DCP1A: variants seen among roughly 807,000 people sequenced by gnomAD.
The protein encoded by DCP1A is decapping mRNA 1A.
Under a neutral mutation model 58.0 loss-of-function variants are expected in DCP1A, and 20 were observed. The observed-to-expected ratio is 0.34, with a 90% CI of 0.24 to 0.50. The LOEUF is 0.50. Ranked by LOEUF, DCP1A falls within the 20% of genes least tolerant of loss-of-function variation. The probability of loss-of-function intolerance (pLI) is 0.98; values close to 1 mark genes in which losing one functional copy is unlikely to be tolerated. For synonymous variants in DCP1A, 285 were observed against 275.1 expected (o/e 1.04, Z -0.36); for missense variants, 613 against 712.2 (o/e 0.86, Z 1.59).
chr3:53,322,175 G>A (rs1288460500), intron 3 of DCP1A, among the ~76,000 whole-genome samples: 1 of 152,074 alleles, frequency 6.6e-6, no homozygotes, highest in Non-Finnish European at 1.5e-5. Flanking sequence ...CTTCTCGGCT[G>A]GGCACGGTGG....
chr3:53,314,673 T>TC (rs1553689025), intron 4 of DCP1A, among the ~76,000 whole-genome samples: 19 of 139,728 alleles, frequency 1.4e-4, no homozygotes, highest in Non-Finnish European at 2.3e-4. Context: ...TTTTCTTTTT[T>TC]TTTTTTTTTT....
intron 7 of DCP1A, among the ~76,000 whole-genome samples, chr3:53,291,340 T>A (rs575370764): frequency 2.6e-5 from 4 of 152,290 alleles, no homozygotes; most frequent in South Asian, 4.1e-4. Flanking sequence ...AATCTAATTA[T>A]ACCCTTTTCA....
At chr3:53,333,433 T>C (rs2089053143) in intron 3 of DCP1A, among the ~76,000 whole-genome samples, 1 of 152,126 alleles carries the variant, frequency 6.6e-6, no homozygotes. Flanking sequence ...CGTGAGCCAC[T>C]GCGCCTGGCC....
Position 53,286,014 on chromosome 3 carries a change from C to G in DCP1A, c.*1566G>C, listed in dbSNP as rs1281915440. On this transcript the variant is annotated 3_prime_UTR_variant, in exon 10 of 10. Coordinates refer to ENST00000610213, the MANE Select transcript of DCP1A (RefSeq NM_018403.7). ...CAATAGAAGACACTAAAATGAGAAG[C>G]AGAAACCCTGTCCAGGAAGCATGTT... The G allele has an allele frequency of 6.6e-6, 1 of 152,170 alleles. No individual in the cohort carries two copies. Among genetic ancestry groups the G allele is most frequent in the Non-Finnish European group, 1.5e-5 (1 of 68,042 alleles). The allele number at this position is 152,170 out of a possible 1,614,324, so 9.4% of individuals were successfully genotyped here.
At chr3:53,306,224 A>G (rs1297905761) in intron 5 of DCP1A, among the ~76,000 whole-genome samples, 2 of 152,220 alleles carry the variant, frequency 1.3e-5, no homozygotes, top group African/African-American at 2.4e-5. Context: ...TCATTTACTC[A>G]GTGTTATCAA....
intron 4 of DCP1A, 23 bp from the exon 5 acceptor site, chr3:53,312,402 T>C (rs781959974): frequency 6.7e-5 from 104 of 1,542,170 alleles, no homozygotes; most frequent in African/African-American, 8.3e-5. Context: ...AACAAGGTTT[T>C]AGAAAGGCCT....
intron 3 of DCP1A, among the ~76,000 whole-genome samples, chr3:53,330,826 T>TATATATA (rs201457735): frequency 1.1e-5 from 1 of 87,880 alleles, no homozygotes; most frequent in South Asian, 2.8e-4. Flanking sequence ...TATATATATA[T>TATATATA]TTTTTTTTTT....
chr3:53,283,523 A>AT lies in DCP1A; in HGVS notation c.*4056dup, dbSNP rs2106772615. 6.6e-6 allele frequency: 1 copy of AT among 152,358 alleles called. No individual in the cohort carries two copies. Among genetic ancestry groups the AT allele is most frequent in the East Asian group, 1.9e-4 (1 of 5,190 alleles). 9.4% of individuals were successfully genotyped at this position (152,358 alleles called of 1,614,324 possible). A position where few individuals can be genotyped will look rare whatever the true frequency, so the allele number is the denominator to read the frequency against. ...AAAAACGCTCATTTTAAAACATGTAATAACTTAATATTTGCAAACATACAC... is the reference window on the plus strand; with the variant it reads ...AAAAACGCTCATTTTAAAACATGTAATTAACTTAATATTTGCAAACATACAC... On this transcript the variant is annotated 3_prime_UTR_variant, in exon 10 of 10. Transcript: ENST00000610213.
chr3:53,300,780 T>C (rs1463647050), intron 6 of DCP1A, among the ~76,000 whole-genome samples: 1 of 152,080 alleles, frequency 6.6e-6, no homozygotes, highest in Non-Finnish European at 1.5e-5. Context: ...CCTGAGTAGC[T>C]GTGATTACAG....
At chr3:53,315,752 T>TTC (rs1553689174) in intron 4 of DCP1A, among the ~76,000 whole-genome samples, 1 of 107,884 alleles carries the variant, frequency 9.3e-6, no homozygotes, top group Non-Finnish European at 1.8e-5. Context: ...TTGTTTTTTT[T>TTC]TTTTGTTTTT....
intron 6 of DCP1A, among the ~76,000 whole-genome samples, chr3:53,298,434 G>A (rs1289736290): frequency 3.9e-5 from 6 of 152,142 alleles, no homozygotes; most frequent in African/African-American, 1.2e-4. Flanking sequence ...GAGAATAAAC[G>A]AATTTGTGAT....
rs1316010509 is a variant in DCP1A at position 53,299,773 on chromosome 3, G to A, written c.624+4404C>T. Among the ~76,000 whole-genome samples, 6 of 152,314 alleles carry A rather than the reference G, an allele frequency of 3.9e-5. No individual in the cohort carries two copies. The South Asian group carries it at 1.0e-3, about 26-fold the overall frequency. The stretch of plus-strand genomic sequence containing the variant: ...GTAGTATCTGCCTGTGGCGGCTGAT[G>A]ATAAATTTAAACTAACTTTAGTCAA... On this transcript the variant is annotated intron_variant, in intron 6 of 9. Coordinates refer to ENST00000610213, the MANE Select transcript of DCP1A (RefSeq NM_018403.7).
chr3:53,320,322 T>C (rs781810898), intron 3 of DCP1A, among the ~76,000 whole-genome samples: 2 of 152,032 alleles, frequency 1.3e-5, no homozygotes, highest in Non-Finnish European at 2.9e-5. Context: ...TGCTGCAAGA[T>C]AAATGAACTT....
rs985930099 is a variant in DCP1A at position 53,318,121 on chromosome 3, T to C, written c.371+1286A>G. ...GACTTCAAGACCAGTTTGGGAAACA[T>C]AGTGAGACCCTATCTCTACCCACCC... On this transcript the variant is annotated intron_variant, in intron 4 of 9. Coordinates refer to ENST00000610213, the MANE Select transcript of DCP1A (RefSeq NM_018403.7). 3.3e-5 allele frequency among the ~76,000 whole-genome samples: 5 copies of C among 152,106 alleles called. No individual in the cohort carries two copies. In the South Asian group the frequency reaches 6.2e-4, roughly 19 times the overall value.
intron 3 of DCP1A, among the ~76,000 whole-genome samples, chr3:53,337,112 T>C (rs1289242964): frequency 6.6e-6 from 1 of 152,142 alleles, no homozygotes; most frequent in Non-Finnish European, 1.5e-5. Flanking sequence ...CCGCAGGTGA[T>C]CCACCCGCCT....
chr3:53,288,384 G>A (rs1706726758), intron 8 of DCP1A, 101 bp from the exon 9 acceptor site: 2 of 833,276 alleles, frequency 2.4e-6, no homozygotes, highest in South Asian at 1.7e-5. Context: ...CAGAAGAGTG[G>A]AGCACAGAGA....
At chr3:53,346,961 G>T (rs1250276769) in intron 1 of DCP1A, among the ~76,000 whole-genome samples, 1 of 152,100 alleles carries the variant, frequency 6.6e-6, no homozygotes, top group Non-Finnish European at 1.5e-5. Context: ...TTGCCAGGGG[G>T]AGAGGAGGAG....
rs576071399 is a variant in DCP1A, at chr3:53,336,197, G to A, written c.304+5947C>T. ...TGGCTCACTGCAACCTCTGCCTCCC[G>A]GGTTCAAACGATTCTTCTGACTCAG... is the stretch of plus-strand genomic sequence containing the variant. On this transcript the variant is annotated intron_variant, in intron 3 of 9. Coordinates refer to ENST00000610213, the MANE Select transcript of DCP1A (RefSeq NM_018403.7). Among the ~76,000 whole-genome samples the A allele has an allele frequency of 9.2e-5, 14 of 152,226 alleles. No individual in the cohort carries two copies. In the South Asian group the frequency reaches 2.3e-3, roughly 25 times the overall value.
Position 53,284,868 on chromosome 3 carries a change from G to C in DCP1A, c.*2712C>G, listed in dbSNP as rs1243750243. ...TGAAATGCTTCTTCTGACACTGAGA[G>C]TCACTTGAAAAACTTGAATTCAAAG... On this transcript the variant is annotated 3_prime_UTR_variant, in exon 10 of 10. Coordinates refer to ENST00000610213, the MANE Select transcript of DCP1A (RefSeq NM_018403.7). 1 of 152,142 alleles carries C rather than the reference G, an allele frequency of 6.6e-6. No individual in the cohort carries two copies. The highest frequency in any genetic ancestry group is 2.4e-5 in the African/African-American group (1 of 41,402). 9.4% of individuals were successfully genotyped at this position (152,142 alleles called of 1,614,324 possible).
Sources: gnomAD v4.1 joint callset for allele counts (sites outside exome capture counted in the v4.1 genomes callset) on GRCh38, gnomAD v4.1.1 for gene constraint, MANE v1.5 for transcripts, NCBI Gene and HGNC (gene_info 2026-07-23, HGNC 2026-07-21) for gene names.